Variants in TM9SF3 observed in about 807,000 individuals in gnomAD.
TM9SF3 encodes the protein transmembrane 9 superfamily member 3, also known as SM-11044-binding protein.
TM9SF3 carries 14 observed loss-of-function variants against 78.6 expected under a neutral mutation model. The observed-to-expected ratio is 0.18, with a 90% CI of 0.12 to 0.28. The LOEUF is 0.28. Ranked by LOEUF, TM9SF3 falls within the 10% of genes least tolerant of loss-of-function variation. The pLI, the probability that TM9SF3 is intolerant of heterozygous loss-of-function variation, is 1.00. For missense variants in TM9SF3, 496 were observed against 721.9 expected, an observed-to-expected ratio of 0.69 and a Z score of 3.59; for synonymous variants, 231 against 241.7, an observed-to-expected ratio of 0.96 and a Z score of 0.41.
chr10:96,586,889 G>T lies in TM9SF3; in HGVS notation c.-54C>A, dbSNP rs1848640589. 2.1e-6 allele frequency: 2 copies of T among 967,708 alleles called. No individual in the cohort carries two copies. Among genetic ancestry groups the T allele is most frequent in the Non-Finnish European group, 2.6e-6 (2 of 777,642 alleles). The allele number at this position is 967,708 out of a possible 1,614,324, so 59.9% of individuals were successfully genotyped here. A position where few individuals can be genotyped will look rare whatever the true frequency, so the allele number is the denominator to read the frequency against. ...CTCACCGACTCCTCCTCCCGCCGCC[G>T]CCTCCTCCGCCGCCGCCGCCTCCGC... is the stretch of plus-strand genomic sequence containing the variant. On this transcript the variant is annotated 5_prime_UTR_variant, in exon 1 of 15. Transcript: ENST00000371142.
intron 7 of TM9SF3, among the ~76,000 whole-genome samples, chr10:96,551,001 T>C (rs966619664): frequency 3.3e-5 from 5 of 152,198 alleles, no homozygotes; most frequent in Non-Finnish European, 7.3e-5. Flanking sequence ...ATATCTTTAA[T>C]GGAACATATA....
At chr10:96,570,016 C>G (rs947400644) in intron 2 of TM9SF3, among the ~76,000 whole-genome samples, 1 of 151,780 alleles carries the variant, frequency 6.6e-6, no homozygotes, top group Admixed American at 6.6e-5. Flanking sequence ...AGCGAGACTC[C>G]GTCTCAAAAA....
rs1020351240 is a variant in TM9SF3 at position 96,519,349 on chromosome 10, T to C, written c.*2914A>G. On this transcript the variant is annotated 3_prime_UTR_variant, in exon 15 of 15. Coordinates refer to ENST00000371142, the MANE Select transcript of TM9SF3 (RefSeq NM_020123.4). ...CATTCACTAGGTTCGGATATCACCA[T>C]AATATAATGAATTCTAAGAGTATGG... The C allele has an allele frequency of 6.6e-6, 1 of 151,966 alleles. No homozygotes were observed. The highest frequency in any genetic ancestry group is 1.5e-5 in the Non-Finnish European group (1 of 67,884). 9.4% of individuals were successfully genotyped at this position (151,966 alleles called of 1,614,324 possible).
At chr10:96,534,717 T>C (rs890567270) in intron 9 of TM9SF3, among the ~76,000 whole-genome samples, 1 of 152,210 alleles carries the variant, frequency 6.6e-6, no homozygotes, top group Non-Finnish European at 1.5e-5. Flanking sequence ...CACAAGCATT[T>C]GATTTGAGTA....
In TM9SF3 at chr10:96,554,299, T is replaced by C. The variant is rs534639932; in HGVS notation, c.661-1240A>G. On this transcript the variant is annotated intron_variant, in intron 5 of 14. Coordinates refer to ENST00000371142, the MANE Select transcript of TM9SF3 (RefSeq NM_020123.4). Reference sequence around the variant, plus strand: ...TTCTTTTCATCTTCTCACCTCCCGATCCTTTCAATGTCAATACTTTTCAAA... The same window carrying C: ...TTCTTTTCATCTTCTCACCTCCCGACCCTTTCAATGTCAATACTTTTCAAA... 3.3e-5 allele frequency among the ~76,000 whole-genome samples: 5 copies of C among 152,304 alleles called. No individual in the cohort carries two copies. The East Asian group carries it at 7.7e-4, about 23-fold the overall frequency.
chr10:96,522,209 G>A lies in TM9SF3; in HGVS notation c.*54C>T. The A allele has an allele frequency of 6.7e-7, 1 of 1,483,100 alleles. No homozygotes were observed. The highest frequency in any genetic ancestry group is 2.3e-5 in the East Asian group (1 of 42,554). The allele number at this position is 1,483,100 out of a possible 1,614,324, so 91.9% of individuals were successfully genotyped here. On this transcript the variant is annotated 3_prime_UTR_variant, in exon 15 of 15. Coordinates refer to ENST00000371142, the MANE Select transcript of TM9SF3 (RefSeq NM_020123.4). ...GCGTTTGTTTGTTTTTGCTGTGCAAGTTCCACCCCTATGAAAAAGAAATTG... is the reference window on the plus strand; with the variant it reads ...GCGTTTGTTTGTTTTTGCTGTGCAAATTCCACCCCTATGAAAAAGAAATTG...
intron 2 of TM9SF3, among the ~76,000 whole-genome samples, chr10:96,565,855 C>T (rs1324256): frequency 0.19 from 29,297 of 152,058 alleles, 3,088 homozygotes; most frequent in Admixed American, 0.3. Context: ...GAGATAAACA[C>T]TGATTTTAAC....
chr10:96,547,840 T>G, intron 8 of TM9SF3, 55 bp downstream of exon 8: 4 of 1,441,512 alleles, frequency 2.8e-6, no homozygotes, highest in Non-Finnish European at 3.9e-6. Context: ...AAAAATCTCA[T>G]AGTAAAATAT....
Position 96,533,037 on chromosome 10 carries a change from A to G in TM9SF3, c.1325+14T>C. On this transcript the variant is annotated intron_variant, in intron 10 of 14. Coordinates refer to ENST00000371142, the MANE Select transcript of TM9SF3 (RefSeq NM_020123.4). ...TGTGTGAAACAATCGCATAAGATTT[A>G]GCATTCTCTTTACCATTTTTTCTCC... is the stretch of plus-strand genomic sequence containing the variant. The G allele has an allele frequency of 6.2e-7, 1 of 1,613,424 alleles. No individual in the cohort carries two copies. The highest frequency in any genetic ancestry group is 8.5e-7 in the Non-Finnish European group (1 of 1,179,664).
intron 2 of TM9SF3, among the ~76,000 whole-genome samples, chr10:96,575,235 C>T (rs1049732667): frequency 8.5e-5 from 13 of 152,134 alleles, no homozygotes; most frequent in Admixed American, 2.0e-4. Context: ...ACACCAAATA[C>T]GGAAAAAGAG....
chr10:96,527,837 T>C (rs576913922), intron 12 of TM9SF3, among the ~76,000 whole-genome samples, 194 bp downstream of exon 12: 1 of 152,268 alleles, frequency 6.6e-6, no homozygotes, highest in African/African-American at 2.4e-5. Flanking sequence ...AACACAGTAC[T>C]CCATTAATAC....
intron 9 of TM9SF3, among the ~76,000 whole-genome samples, chr10:96,537,580 C>T (rs1006830348): frequency 2.6e-5 from 4 of 152,184 alleles, no homozygotes; most frequent in African/African-American, 9.7e-5. Flanking sequence ...TGCCTGTAAT[C>T]CCAGCACTTT....
At chr10:96,542,384 T>C (rs1347283219) in intron 9 of TM9SF3, among the ~76,000 whole-genome samples, 1 of 152,160 alleles carries the variant, frequency 6.6e-6, no homozygotes, top group Non-Finnish European at 1.5e-5. Context: ...AAAGAACAAT[T>C]TTATAAACCT....
At chr10:96,564,619 T>C (rs1289599278) in intron 3 of TM9SF3, among the ~76,000 whole-genome samples, 1 of 152,204 alleles carries the variant, frequency 6.6e-6, no homozygotes, top group Non-Finnish European at 1.5e-5. Context: ...AGTAATCTGC[T>C]AACAATTTTA....
chr10:96,544,250 T>A (rs1330508963), intron 8 of TM9SF3, 44 bp from the exon 9 acceptor site: 1 of 1,459,336 alleles, frequency 6.9e-7, no homozygotes, highest in Non-Finnish European at 9.1e-7. Context: ...AATTATTTAG[T>A]ACGAAATTAT....
chr10:96,538,886 GAAC>G (rs1163528573), intron 9 of TM9SF3, among the ~76,000 whole-genome samples: 1 of 152,200 alleles, frequency 6.6e-6, no homozygotes, highest in Non-Finnish European at 1.5e-5. Flanking sequence ...CAGTGATGTG[GAAC>G]AATTGGAATT....
intron 7 of TM9SF3, among the ~76,000 whole-genome samples, chr10:96,548,551 A>G (rs143776397): frequency 0.013 from 1,958 of 152,286 alleles, 31 homozygotes; most frequent in Non-Finnish European, 0.016. Flanking sequence ...TAATCCGAGC[A>G]CTTTGGAAAG....
In TM9SF3 at chr10:96,561,973, C is replaced by A; in HGVS notation, c.582+5G>T. ...CTTCCTACATTAAACTATTTGAATA[C>A]TTACTGAATATGACATCTGGATTTT... On this transcript the variant is annotated splice_donor_5th_base_variant and intron_variant, in intron 4 of 14. Coordinates refer to ENST00000371142, the MANE Select transcript of TM9SF3 (RefSeq NM_020123.4). 1 of 1,606,352 alleles carries A rather than the reference C, an allele frequency of 6.2e-7. No individual in the cohort carries two copies. Among genetic ancestry groups the A allele is most frequent in the Non-Finnish European group, 8.5e-7 (1 of 1,177,360 alleles).
chr10:96,529,245 G>A (rs11188816), intron 11 of TM9SF3, among the ~76,000 whole-genome samples: 4,797 of 152,236 alleles, frequency 0.032, 252 homozygotes, highest in African/African-American at 0.11. Context: ...AGCATATGCA[G>A]AGCTGGTAAG....
Sources: gnomAD v4.1 joint callset for allele counts (sites outside exome capture counted in the v4.1 genomes callset) on GRCh38, gnomAD v4.1.1 for gene constraint, MANE v1.5 for transcripts, NCBI Gene and HGNC (gene_info 2026-07-23, HGNC 2026-07-21) for gene names.